Variants in NCKAP5 observed in about 807,000 individuals in gnomAD.
NCKAP5 encodes the protein nck-associated protein 5.
NCKAP5 carries 92 observed loss-of-function variants against 167.0 expected under a neutral mutation model. That is an observed-to-expected ratio of 0.55 (90% confidence interval 0.47 to 0.66). The LOEUF is 0.66. NCKAP5 is among the 30% of genes least tolerant of loss of function. The pLI, the probability that NCKAP5 is intolerant of heterozygous loss-of-function variation, is 0.00. For missense variants in NCKAP5, 2,378 were observed against 2,315.0 expected (o/e 1.03, Z -0.56); for synonymous variants, 891 against 877.4 (o/e 1.02, Z -0.27).
chr2:132,791,351 AGGTAGGTCT>A (rs1163382652), intron 12 of NCKAP5, among the ~76,000 whole-genome samples: 2 of 152,152 alleles, frequency 1.3e-5, no homozygotes, highest in Non-Finnish European at 2.9e-5. Flanking sequence ...CCCTCACATC[AGGTAGGTCT>A]GGGTTTTTAG....
chr2:133,480,345 C>A (rs6742928), intron 3 of NCKAP5, among the ~76,000 whole-genome samples: 12,433 of 152,152 alleles, frequency 0.082, 643 homozygotes, highest in South Asian at 0.16. Context: ...TTCTCCTCCC[C>A]TTTCCCTTCT....
chr2:132,798,238 G>A (rs921283477), intron 11 of NCKAP5, among the ~76,000 whole-genome samples: 1 of 152,014 alleles, frequency 6.6e-6, no homozygotes, highest in African/African-American at 2.4e-5. Flanking sequence ...TTTCCTGGGG[G>A]CAAAGATACA....
intron 4 of NCKAP5, among the ~76,000 whole-genome samples, chr2:133,228,950 T>G (rs1037484864): frequency 2.6e-5 from 4 of 152,126 alleles, no homozygotes; most frequent in African/African-American, 9.7e-5. Flanking sequence ...AATGAGAATC[T>G]TCAGAGGGAA....
intron 19 of NCKAP5, among the ~76,000 whole-genome samples, chr2:132,723,185 G>A (rs1301645172): frequency 5.5e-5 from 7 of 126,652 alleles, no homozygotes; most frequent in Admixed American, 2.0e-4. Context: ...TTGCTCTGTC[G>A]TCCAGGCTGG....
chr2:132,898,660 C>A (rs1265319050), intron 8 of NCKAP5, among the ~76,000 whole-genome samples: 1 of 152,184 alleles, frequency 6.6e-6, no homozygotes, highest in Admixed American at 6.5e-5. Context: ...CAACATTAAT[C>A]TTTTTGCACA....
chr2:132,710,447 G>A (rs1393472097), intron 19 of NCKAP5, among the ~76,000 whole-genome samples: 1 of 152,046 alleles, frequency 6.6e-6, no homozygotes, highest in Non-Finnish European at 1.5e-5. Flanking sequence ...CCTCTTAAAG[G>A]CAACTCTTAA....
At chr2:133,291,230 G>C (rs1679573651) in intron 4 of NCKAP5, among the ~76,000 whole-genome samples, 1 of 152,184 alleles carries the variant, frequency 6.6e-6, no homozygotes. Context: ...GGAAGACTTG[G>C]TCTTACAGGT....
intron 2 of NCKAP5, among the ~76,000 whole-genome samples, chr2:133,528,037 C>A (rs1685066214): frequency 6.6e-6 from 1 of 152,030 alleles, no homozygotes; most frequent in Admixed American, 6.6e-5. Flanking sequence ...TGCACTCCAG[C>A]CTGGGTGACA....
chr2:132,702,789 CA>C (rs1228494976), intron 19 of NCKAP5, among the ~76,000 whole-genome samples: 2 of 152,164 alleles, frequency 1.3e-5, no homozygotes, highest in African/African-American at 4.8e-5. Flanking sequence ...CCAAACCTCC[CA>C]TCACTTTCTC....
chr2:133,428,607 G>A (rs1159151400), intron 3 of NCKAP5, among the ~76,000 whole-genome samples: 1 of 152,020 alleles, frequency 6.6e-6, no homozygotes, highest in African/African-American at 2.4e-5. Context: ...AAGCCATAAA[G>A]GGAAAAATAG....
In NCKAP5 at chr2:132,785,094, T is replaced by C. The variant is rs754270619; in HGVS notation, c.1717A>G (p.Met573Val). The C allele has an allele frequency of 2.5e-6, 4 of 1,614,094 alleles. No homozygotes were observed. Among genetic ancestry groups the C allele is most frequent in the South Asian group, 1.1e-5 (1 of 91,088 alleles). The change falls in exon 14 of 20, where the codon ATG becomes GTG. Residue 573 changes from methionine (M) to valine (V), a missense_variant. Around this residue, in one of 3 missense-constraint regions of NCKAP5, gnomAD observed 1,049 missense variants for 1,023.4 expected, o/e 1.02. Transcript: ENST00000409261. ...TCTGAAAGCTGGAGGTTGAGAGCCA[T>C]GCGGCCATGGCCTTGGCCCTGTGGG... is the stretch of plus-strand genomic sequence containing the variant. The part of the protein sequence containing the change: ...RGPQGQGHGR[M>V]ALNLQLSDTD...
chr2:133,506,485 G>C (rs1041139864), intron 3 of NCKAP5, among the ~76,000 whole-genome samples: 1 of 152,120 alleles, frequency 6.6e-6, no homozygotes, highest in African/African-American at 2.4e-5. Flanking sequence ...TTCCAATTGG[G>C]TTCAGCCAGT....
chr2:132,826,401 C>T (rs1416644339), intron 11 of NCKAP5, among the ~76,000 whole-genome samples: 1 of 152,090 alleles, frequency 6.6e-6, no homozygotes, highest in Non-Finnish European at 1.5e-5. Context: ...TTAAACAGCA[C>T]ACCTGTTGTT....
intron 8 of NCKAP5, chr2:132,926,306 G>C (rs1160751958): frequency 9.6e-6 from 2 of 207,502 alleles, no homozygotes; most frequent in East Asian, 2.4e-4. Context: ...TGGACACTTA[G>C]GGTTGTGAAT....
chr2:132,737,813 T>C (rs1428122093), intron 16 of NCKAP5, among the ~76,000 whole-genome samples: 1 of 152,256 alleles, frequency 6.6e-6, no homozygotes, highest in Non-Finnish European at 1.5e-5. Context: ...GTTATTAGAC[T>C]GTAAGCATCG....
chr2:133,374,917 G>A (rs571950777), intron 3 of NCKAP5, among the ~76,000 whole-genome samples: 195 of 152,212 alleles, frequency 1.3e-3, no homozygotes, highest in Non-Finnish European at 2.1e-3. Flanking sequence ...TCTTTTCTGC[G>A]CTCCGAAATA....
At chr2:133,531,458 TCTG>T (rs1685358349) in intron 2 of NCKAP5, among the ~76,000 whole-genome samples, 1 of 151,970 alleles carries the variant, frequency 6.6e-6, no homozygotes. Flanking sequence ...ACTTTAAACT[TCTG>T]CTTAGGTAAC....
Position 132,905,967 on chromosome 2 carries a change from A to G in NCKAP5, c.580-27051T>C, listed in dbSNP as rs1400996711. On this transcript the variant is annotated intron_variant, in intron 8 of 19. Coordinates refer to ENST00000409261, the MANE Select transcript of NCKAP5 (RefSeq NM_207363.3). The stretch of plus-strand genomic sequence containing the variant: ...AAAACAATGTGAACTAAGTGTGCAG[A>G]TCATTGATGTGATTGTTCCTGACTG... Among the ~76,000 whole-genome samples the G allele has an allele frequency of 2.0e-5, 3 of 152,208 alleles. No individual in the cohort carries two copies. The South Asian group carries it at 6.2e-4, about 31-fold the overall frequency.
chr2:132,862,602 C>A (rs542007364), intron 10 of NCKAP5, among the ~76,000 whole-genome samples: 233 of 152,120 alleles, frequency 1.5e-3, no homozygotes, highest in Admixed American at 4.3e-3. Flanking sequence ...CCCATCTTTA[C>A]TAAAACTACA....
Sources: gnomAD v4.1 joint callset for allele counts (sites outside exome capture counted in the v4.1 genomes callset) on GRCh38, gnomAD v4.1.1 for gene constraint, gnomAD v4.1.1 regional missense constraint, MANE v1.5 for transcripts, NCBI Gene and HGNC (gene_info 2026-07-23, HGNC 2026-07-21) for gene names.